The following BAZ1A variants were observed in gnomAD, a reference collection of about 807,000 sequenced individuals.
The protein encoded by BAZ1A is bromodomain adjacent to zinc finger domain 1A, also known as bromodomain adjacent to zinc finger domain protein 1A.
Under a neutral mutation model 185.2 loss-of-function variants are expected in BAZ1A, and 50 were observed. That is an observed-to-expected ratio of 0.27 (90% CI 0.22 to 0.34). The LOEUF (loss-of-function observed/expected upper bound fraction) is 0.34. BAZ1A is among the 10% of genes least tolerant of loss of function. The pLI is 1.00. For missense variants in BAZ1A, 1,356 were observed against 1,839.9 expected (o/e 0.74, Z 4.81); for synonymous variants, 571 against 615.6 (o/e 0.93, Z 1.07).
intron 4 of BAZ1A, among the ~76,000 whole-genome samples, chr14:34,822,054 G>A (rs1300473519): frequency 2.0e-5 from 3 of 152,118 alleles, no homozygotes; most frequent in Non-Finnish European, 4.4e-5. Flanking sequence ...CAGCACTTTG[G>A]GAGACCAAGG....
At chr14:34,833,338 C>A (rs2042279931) in intron 3 of BAZ1A, among the ~76,000 whole-genome samples, 1 of 152,082 alleles carries the variant, frequency 6.6e-6, no homozygotes, top group African/African-American at 2.4e-5. Context: ...ACCAGCCTGA[C>A]CAAACATGGT....
At chr14:34,820,239 C>T (rs2042068772) in intron 4 of BAZ1A, among the ~76,000 whole-genome samples, 1 of 151,750 alleles carries the variant, frequency 6.6e-6, no homozygotes, top group Non-Finnish European at 1.5e-5. Flanking sequence ...CATCCTCCCA[C>T]CTCAGCCTCC....
chr14:34,829,332 T>C (rs1289875553), intron 3 of BAZ1A, among the ~76,000 whole-genome samples: 1 of 147,796 alleles, frequency 6.8e-6, no homozygotes, highest in Non-Finnish European at 1.5e-5. Context: ...TAATTCCAGC[T>C]ATTCAGATCC....
At chr14:34,830,949 GT>G (rs2042233919) in intron 3 of BAZ1A, among the ~76,000 whole-genome samples, 1 of 151,928 alleles carries the variant, frequency 6.6e-6, no homozygotes, top group Non-Finnish European at 1.5e-5. Flanking sequence ...TAGAGATGGG[GT>G]TTCTCCATGT....
At position 34,784,367 on chromosome 14, in the gene BAZ1A, C is replaced by CCAAAAAAAAAAAAAAAAAAAAAAAAA. The variant is rs1225939081; in HGVS notation, c.1832-441_1832-440insTTTTTTTTTTTTTTTTTTTTTTTTTG. On this transcript the variant is annotated intron_variant, in intron 14 of 26. Transcript: ENST00000360310. ...TGGGCAACTGAGTGAGACTCTGTCTCAAAAAAAAAAAAAAAAAAAAAAAAA... is the reference window on the plus strand; with the variant it reads ...TGGGCAACTGAGTGAGACTCTGTCTCCAAAAAAAAAAAAAAAAAAAAAAAAAAAAAAAAAAAAAAAAAAAAAAAAAA... Among the ~76,000 whole-genome samples, 15 of 77,192 alleles carry CCAAAAAAAAAAAAAAAAAAAAAAAAA rather than the reference C, an allele frequency of 1.9e-4. 2 individuals carry two copies. The highest frequency in any genetic ancestry group is 4.9e-4 in the African/African-American group (8 of 16,398). The allele number at this position is 77,192 out of a possible 152,430, so 50.6% of individuals were successfully genotyped here.
chr14:34,816,213 A>C (rs746229576), intron 4 of BAZ1A, among the ~76,000 whole-genome samples: 1 of 145,588 alleles, frequency 6.9e-6, no homozygotes, highest in Non-Finnish European at 1.5e-5. Context: ...TCAGCCTCCC[A>C]AGTAGCTGGG....
chr14:34,770,678 CAT>C (rs1166563596), intron 21 of BAZ1A, among the ~76,000 whole-genome samples: 1 of 152,142 alleles, frequency 6.6e-6, no homozygotes, highest in Non-Finnish European at 1.5e-5. Flanking sequence ...TTCCCAAAAA[CAT>C]AATGGTTAGG....
At chr14:34,824,721 GAC>G (rs1340199956) in intron 4 of BAZ1A, among the ~76,000 whole-genome samples, 2 of 145,858 alleles carry the variant, frequency 1.4e-5, no homozygotes, top group African/African-American at 5.6e-5. Context: ...GTTTCTGAAA[GAC>G]AGAACTTATC....
intron 23 of BAZ1A, 87 bp downstream of exon 23, chr14:34,764,620 A>G: frequency 6.6e-7 from 1 of 1,503,866 alleles, no homozygotes; most frequent in South Asian, 1.3e-5. Flanking sequence ...TAAGTTACAG[A>G]CCCTAACTAT....
At chr14:34,810,826 G>T in intron 5 of BAZ1A, 109 bp downstream of exon 5, 1 of 770,882 alleles carries the variant, frequency 1.3e-6, no homozygotes. Context: ...TTATTTTTAA[G>T]AAGGAAAGCA....
chr14:34,801,806 G>A (rs1194644786), intron 7 of BAZ1A, among the ~76,000 whole-genome samples: 1 of 151,724 alleles, frequency 6.6e-6, no homozygotes, highest in Non-Finnish European at 1.5e-5. Flanking sequence ...CTACTCAGGA[G>A]GCTGAGGCAG....
intron 4 of BAZ1A, among the ~76,000 whole-genome samples, chr14:34,818,374 T>C (rs905276634): frequency 2.0e-5 from 3 of 152,238 alleles, no homozygotes; most frequent in African/African-American, 7.2e-5. Flanking sequence ...AAAATTTCTA[T>C]TTCAAAGTAA....
intron 3 of BAZ1A, among the ~76,000 whole-genome samples, chr14:34,831,586 T>A (rs947113821): frequency 1.9e-4 from 29 of 152,092 alleles, no homozygotes; most frequent in Non-Finnish European, 7.4e-5. Context: ...AATCTTTCCT[T>A]CCATTTAACA....
chr14:34,765,967 C>T (rs1878811019), intron 21 of BAZ1A, among the ~76,000 whole-genome samples: 1 of 152,150 alleles, frequency 6.6e-6, no homozygotes, highest in African/African-American at 2.4e-5. Flanking sequence ...ATATAAGACT[C>T]CATACATAAT....
At chr14:34,846,621 T>C (rs2042516466) in intron 3 of BAZ1A, among the ~76,000 whole-genome samples, 1 of 152,228 alleles carries the variant, frequency 6.6e-6, no homozygotes, top group Admixed American at 6.5e-5. Context: ...TTTGTGACTA[T>C]GTATGAATTT....
intron 21 of BAZ1A, among the ~76,000 whole-genome samples, chr14:34,767,962 T>C (rs565496579): frequency 7.7e-4 from 118 of 152,322 alleles, no homozygotes; most frequent in African/African-American, 2.7e-3. Flanking sequence ...CCAATTCTTA[T>C]TCTAGTCCAT....
chr14:34,820,744 A>G (rs1430258625), intron 4 of BAZ1A, among the ~76,000 whole-genome samples: 1 of 134,172 alleles, frequency 7.5e-6, no homozygotes, highest in African/African-American at 2.7e-5. Context: ...TAAAAAGTAT[A>G]AAGTCTATGT....
intron 3 of BAZ1A, among the ~76,000 whole-genome samples, chr14:34,852,676 C>T (rs1011828493): frequency 3.3e-5 from 5 of 152,110 alleles, no homozygotes; most frequent in Non-Finnish European, 5.9e-5. Flanking sequence ...ATTAATAAGA[C>T]ATCTACATGA....
chr14:34,830,845 T>G (rs563654876), intron 3 of BAZ1A, among the ~76,000 whole-genome samples: 67 of 145,062 alleles, frequency 4.6e-4, no homozygotes, highest in African/African-American at 1.6e-3. Flanking sequence ...AACTTCTGCC[T>G]CCCGGGTTCA....
Sources: gnomAD v4.1 joint callset for allele counts (sites outside exome capture counted in the v4.1 genomes callset) on GRCh38, gnomAD v4.1.1 for gene constraint, MANE v1.5 for transcripts, NCBI Gene and HGNC (gene_info 2026-07-23, HGNC 2026-07-21) for gene names.